The following AKAP10 variants were observed in gnomAD, a reference collection of about 807,000 sequenced individuals.
AKAP10 encodes A-kinase anchor protein 10, mitochondrial.
Under a neutral mutation model 80.8 loss-of-function variants are expected in AKAP10, and 24 were observed. The ratio of observed to expected loss-of-function variants is 0.30; its 90% CI spans 0.22 to 0.42. The LOEUF is 0.42. Ranked by LOEUF, AKAP10 falls within the 10% of genes least tolerant of loss-of-function variation. The pLI, the probability that AKAP10 is intolerant of heterozygous loss-of-function variation, is 1.00. For missense variants in AKAP10, 661 were observed against 794.9 expected (o/e 0.83, Z 2.03); for synonymous variants, 291 against 277.7 (o/e 1.05, Z -0.48).
chr17:19,939,847 G>A lies in AKAP10; in HGVS notation c.1188C>T (p.Tyr396=). The change falls in exon 8 of 15, where the codon TAC becomes TAT. Residue 396 remains tyrosine, a splice_region_variant and synonymous_variant. Coordinates refer to ENST00000225737, the MANE Select transcript of AKAP10 (RefSeq NM_007202.4). ...CESALFYFSE[Y]MEKEDAVNIL... is the part of the protein sequence containing the mutation. The stretch of plus-strand genomic sequence containing the variant: ...TATTCACTGCATCCTCTTTTTCCAT[G>A]TACTAGGAAGAAAAAATACACAAGG... 1 of 1,610,656 alleles carries A rather than the reference G, an allele frequency of 6.2e-7. No individual in the cohort carries two copies. Among genetic ancestry groups the A allele is most frequent in the African/African-American group, 1.3e-5 (1 of 74,840 alleles).
At chr17:19,925,911 G>A (rs947475173) in intron 10 of AKAP10, among the ~76,000 whole-genome samples, 2 of 152,190 alleles carry the variant, frequency 1.3e-5, no homozygotes, top group Non-Finnish European at 2.9e-5. Flanking sequence ...GTAATCAAGA[G>A]AGTATGGTAC....
chr17:19,973,437 T>C (rs1455661514), intron 1 of AKAP10, among the ~76,000 whole-genome samples: 1 of 152,236 alleles, frequency 6.6e-6, no homozygotes, highest in Admixed American at 6.5e-5. Context: ...TGATCTGAGA[T>C]ATATGAGAGG....
chr17:19,950,382 G>A (rs915689776), intron 4 of AKAP10, among the ~76,000 whole-genome samples: 35 of 152,308 alleles, frequency 2.3e-4, no homozygotes, highest in African/African-American at 7.7e-4. Flanking sequence ...CTGTACTGCC[G>A]CCATCTCGGC....
chr17:19,906,766 G>A (rs372113792), intron 14 of AKAP10, among the ~76,000 whole-genome samples: 12 of 152,290 alleles, frequency 7.9e-5, no homozygotes, highest in Middle Eastern at 3.4e-3. Context: ...GGCAAATGTC[G>A]AGTTGGAGGT....
chr17:19,913,338 G>A (rs1348047378), intron 12 of AKAP10, among the ~76,000 whole-genome samples: 3 of 152,024 alleles, frequency 2.0e-5, no homozygotes, highest in Admixed American at 6.6e-5. Context: ...ATTTTTAGTA[G>A]AGATGGGGTT....
chr17:19,962,602 T>C (rs1295699833), intron 3 of AKAP10, among the ~76,000 whole-genome samples: 1 of 152,220 alleles, frequency 6.6e-6, no homozygotes, highest in East Asian at 1.9e-4. Flanking sequence ...TTCATATATT[T>C]ATATTTAGTG....
chr17:19,908,326 T>C (rs1460417491), intron 14 of AKAP10, among the ~76,000 whole-genome samples: 15 of 152,176 alleles, frequency 9.9e-5, no homozygotes, highest in Non-Finnish European at 1.5e-5. Flanking sequence ...TAGGACTAAT[T>C]TATCTTCAGT....
Position 19,977,583 on chromosome 17 carries a change from C to A in AKAP10, c.88+9G>T. Reference sequence around the variant, plus strand: ...CGGCCTGACTCCCCGCCGGCGCCCCCTCAGCTACCTTTCCGCCGGAAGAAG... The same window carrying A: ...CGGCCTGACTCCCCGCCGGCGCCCCATCAGCTACCTTTCCGCCGGAAGAAG... On this transcript the variant is annotated intron_variant, in intron 1 of 14. Coordinates refer to ENST00000225737, the MANE Select transcript of AKAP10 (RefSeq NM_007202.4). The A allele has an allele frequency of 8.1e-7, 1 of 1,233,734 alleles. No individual in the cohort carries two copies. The highest frequency in any genetic ancestry group is 2.6e-4 in the Middle Eastern group (1 of 3,774). The allele number at this position is 1,233,734 out of a possible 1,614,324, so 76.4% of individuals were successfully genotyped here.
At position 19,931,791 on chromosome 17, in the gene AKAP10, CA is replaced by C; in HGVS notation, c.1641+13del. 6.2e-7 allele frequency: 1 copy of C among 1,605,508 alleles called. No homozygotes were observed. Among genetic ancestry groups the C allele is most frequent in the South Asian group, 1.1e-5 (1 of 89,376 alleles). ...ATGCTTTTCTCCCTAATGGCAGACGCAATCAGTCAATACCTGAGACGCAGAG... is the reference window on the plus strand; with the variant it reads ...ATGCTTTTCTCCCTAATGGCAGACGCATCAGTCAATACCTGAGACGCAGAG... On this transcript the variant is annotated intron_variant, in intron 10 of 14. Coordinates refer to ENST00000225737, the MANE Select transcript of AKAP10 (RefSeq NM_007202.4).
chr17:19,918,228 A>C (rs1184814977), intron 12 of AKAP10, among the ~76,000 whole-genome samples: 3 of 147,296 alleles, frequency 2.0e-5, no homozygotes, highest in African/African-American at 5.3e-5. Context: ...CTCAAACAAA[A>C]AAAAAAAAAA....
intron 12 of AKAP10, among the ~76,000 whole-genome samples, chr17:19,918,402 A>G (rs984662360): frequency 7.2e-5 from 11 of 151,858 alleles, no homozygotes; most frequent in African/African-American, 2.4e-4. Context: ...AAAATTAGCC[A>G]TGGCGCCTGT....
intron 9 of AKAP10, among the ~76,000 whole-genome samples, chr17:19,933,955 CTT>C (rs1042584242): frequency 6.6e-6 from 1 of 151,986 alleles, no homozygotes; most frequent in Non-Finnish European, 1.5e-5. Context: ...GAGTTTTGCT[CTT>C]GTTGCCCAGG....
intron 4 of AKAP10, 137 bp downstream of exon 4, chr17:19,957,877 A>G: frequency 1.1e-6 from 1 of 933,576 alleles, no homozygotes; most frequent in Non-Finnish European, 1.6e-6. Flanking sequence ...ACACTCTCCA[A>G]ATTCTCCCAA....
intron 5 of AKAP10, among the ~76,000 whole-genome samples, 165 bp from the exon 6 acceptor site, chr17:19,942,075 T>C (rs543166700): frequency 6.6e-6 from 1 of 152,320 alleles, no homozygotes; most frequent in East Asian, 1.9e-4. Context: ...AGAAAGTCTT[T>C]TGAAGTACAT....
chr17:19,917,948 C>T (rs779757459), intron 12 of AKAP10, among the ~76,000 whole-genome samples: 4 of 151,722 alleles, frequency 2.6e-5, no homozygotes, highest in Non-Finnish European at 4.4e-5. Flanking sequence ...TGGCTGGGCA[C>T]AGTGGCTCAC....
At chr17:19,952,215 G>A (rs997969990) in intron 4 of AKAP10, among the ~76,000 whole-genome samples, 1 of 151,898 alleles carries the variant, frequency 6.6e-6, no homozygotes, top group Non-Finnish European at 1.5e-5. Flanking sequence ...TGTAATCCCA[G>A]CACTTTGGGA....
chr17:19,920,943 G>A (rs550152632), intron 11 of AKAP10, among the ~76,000 whole-genome samples: 3 of 135,886 alleles, frequency 2.2e-5, no homozygotes, highest in South Asian at 4.6e-4. Context: ...GATTAGTATC[G>A]AGAAACATAG....
At chr17:19,968,200 CCA>C (rs1491358348) in intron 2 of AKAP10, among the ~76,000 whole-genome samples, 49 of 59,714 alleles carry the variant, frequency 8.2e-4, no homozygotes, top group African/African-American at 3.5e-3. Context: ...GACTCCGTCT[CCA>C]AAAAAAAAAA....
At chr17:19,917,820 G>A (rs956299206) in intron 12 of AKAP10, among the ~76,000 whole-genome samples, 7 of 152,062 alleles carry the variant, frequency 4.6e-5, no homozygotes, top group African/African-American at 1.7e-4. Flanking sequence ...CTACTTGGGA[G>A]GCTGAGGCAG....
Sources: gnomAD v4.1 joint callset for allele counts (sites outside exome capture counted in the v4.1 genomes callset) on GRCh38, gnomAD v4.1.1 for gene constraint, MANE v1.5 for transcripts, NCBI Gene and HGNC (gene_info 2026-07-23, HGNC 2026-07-21) for gene names.